Variants in FANCL observed in about 807,000 individuals in gnomAD.
FANCL encodes the protein FA complementation group L, also known as E3 ubiquitin-protein ligase FANCL.
Under a neutral mutation model 59.4 loss-of-function variants are expected in FANCL, and 69 were observed. That is an observed-to-expected ratio of 1.16 (90% CI 0.96 to 1.42). The LOEUF (loss-of-function observed/expected upper bound fraction) is 1.42. FANCL is among the 40% of genes most tolerant of loss of function. FANCL has a pLI of 0.00. For missense variants in FANCL, 519 were observed against 447.2 expected (o/e 1.16, Z -1.45); for synonymous variants, 180 against 147.1 (o/e 1.22, Z -1.62).
intron 7 of FANCL, among the ~76,000 whole-genome samples, chr2:58,167,435 G>A (rs1344766093): frequency 6.6e-6 from 1 of 152,068 alleles, no homozygotes; most frequent in Non-Finnish European, 1.5e-5. Flanking sequence ...GTTTCTACAT[G>A]TGTATTTAAA....
intron 7 of FANCL, among the ~76,000 whole-genome samples, chr2:58,180,127 G>A (rs1687782254): frequency 6.6e-6 from 1 of 152,100 alleles, no homozygotes; most frequent in African/African-American, 2.4e-5. Flanking sequence ...GTTGGTCGAA[G>A]TGTAAATTAG....
intron 7 of FANCL, among the ~76,000 whole-genome samples, chr2:58,179,821 A>G (rs1461738940): frequency 1.3e-5 from 2 of 152,198 alleles, no homozygotes; most frequent in Admixed American, 1.3e-4. Context: ...TATTTCTGCA[A>G]TCTATCCATC....
At chr2:58,191,982 T>C (rs1688969788) in intron 7 of FANCL, among the ~76,000 whole-genome samples, 1 of 151,920 alleles carries the variant, frequency 6.6e-6, no homozygotes, top group Non-Finnish European at 1.5e-5. Flanking sequence ...GAGCCAGAAT[T>C]TGATCCAGAC....
At position 58,193,563 on chromosome 2, in the gene FANCL, T is replaced by C. The variant is rs1689144454; in HGVS notation, c.540+5031A>G. On this transcript the variant is annotated intron_variant, in intron 7 of 13. Coordinates refer to ENST00000233741, the MANE Select transcript of FANCL (RefSeq NM_018062.4). ...ATAAATTTTCTTTGTTTTGATCCCT[T>C]TGATGTCTTTTCAGCCATACCACTG... Among the ~76,000 whole-genome samples the C allele has an allele frequency of 3.9e-5, 6 of 152,104 alleles. 1 individual carries two copies. The highest frequency in any genetic ancestry group is 1.2e-4 in the African/African-American group (5 of 41,438).
chr2:58,179,512 T>C (rs909447456), intron 7 of FANCL, among the ~76,000 whole-genome samples: 3 of 152,148 alleles, frequency 2.0e-5, no homozygotes, highest in African/African-American at 2.4e-5. Flanking sequence ...TAAACGGTGT[T>C]GGGAAAACTG....
At chr2:58,225,125 G>A (rs968745845) in intron 4 of FANCL, among the ~76,000 whole-genome samples, 6 of 151,382 alleles carry the variant, frequency 4.0e-5, no homozygotes, top group Admixed American at 1.3e-4. Context: ...GAAGGGACTT[G>A]TGCTGACCAA....
intron 7 of FANCL, among the ~76,000 whole-genome samples, chr2:58,195,754 T>G (rs1242339034): frequency 6.6e-6 from 1 of 152,140 alleles, no homozygotes; most frequent in African/African-American, 2.4e-5. Flanking sequence ...TATAAACTTA[T>G]AAGAAGGTCA....
At chr2:58,163,396 G>C (rs771817789) in intron 9 of FANCL, 38 bp downstream of exon 9, 1 of 1,289,420 alleles carries the variant, frequency 7.8e-7, no homozygotes, top group African/African-American at 1.5e-5. Flanking sequence ...AGGATTTTAT[G>C]ACTCTATTAA....
chr2:58,164,889 A>G (rs933940105), intron 8 of FANCL, among the ~76,000 whole-genome samples: 3 of 152,080 alleles, frequency 2.0e-5, no homozygotes, highest in African/African-American at 7.2e-5. Flanking sequence ...TTCTCGTAAT[A>G]CCACGTATGT....
At position 58,159,460 on chromosome 2, in the gene FANCL, C is replaced by A. The variant is rs1437860171; in HGVS notation, c.*305G>T. The A allele has an allele frequency of 6.2e-7, 1 of 1,613,632 alleles. No homozygotes were observed. Among genetic ancestry groups the A allele is most frequent in the South Asian group, 1.1e-5 (1 of 91,062 alleles). ...ACAATTCCCAAACTCATTTTATGAGCCTCATCAAGATTTTACCAGTCCAGA... is the reference window on the plus strand; with the variant it reads ...ACAATTCCCAAACTCATTTTATGAGACTCATCAAGATTTTACCAGTCCAGA... On this transcript the variant is annotated 3_prime_UTR_variant, in exon 14 of 14. Transcript: ENST00000233741.
chr2:58,175,000 A>C (rs554298850), intron 7 of FANCL, among the ~76,000 whole-genome samples: 1 of 152,276 alleles, frequency 6.6e-6, no homozygotes, highest in South Asian at 2.1e-4. Context: ...AGAATACTAT[A>C]AACACCTCTA....
intron 5 of FANCL, among the ~76,000 whole-genome samples, chr2:58,220,868 C>A (rs1232532601): frequency 6.6e-6 from 1 of 152,168 alleles, no homozygotes; most frequent in Non-Finnish European, 1.5e-5. Context: ...ATAGGGCAAT[C>A]TAAATGGAAA....
intron 5 of FANCL, among the ~76,000 whole-genome samples, chr2:58,214,827 A>G (rs2105228298): frequency 6.6e-6 from 1 of 152,180 alleles, no homozygotes; most frequent in South Asian, 2.1e-4. Context: ...AGGAATCTTA[A>G]GTCTTGCCTT....
intron 7 of FANCL, among the ~76,000 whole-genome samples, chr2:58,185,146 T>C (rs113998559): frequency 0.011 from 1,631 of 152,006 alleles, 40 homozygotes; most frequent in African/African-American, 0.037. Context: ...CTTCCTATGG[T>C]GAAAAATCAA....
chr2:58,160,513 C>G (rs560452986), intron 12 of FANCL, among the ~76,000 whole-genome samples: 1 of 151,978 alleles, frequency 6.6e-6, no homozygotes, highest in South Asian at 2.1e-4. Flanking sequence ...TCCTGGCATT[C>G]ATAGACTTTC....
intron 8 of FANCL, among the ~76,000 whole-genome samples, chr2:58,164,268 CTT>C (rs1269284409): frequency 6.6e-6 from 1 of 151,962 alleles, no homozygotes; most frequent in Admixed American, 6.6e-5. Flanking sequence ...GTAAAAATGT[CTT>C]GATAAATTCC....
At chr2:58,195,610 T>C (rs977832099) in intron 7 of FANCL, among the ~76,000 whole-genome samples, 1 of 151,948 alleles carries the variant, frequency 6.6e-6, no homozygotes, top group African/African-American at 2.4e-5. Flanking sequence ...ACAAAATATA[T>C]ACAAAGTTAA....
At chr2:58,237,115 A>C (rs1694094185) in intron 1 of FANCL, among the ~76,000 whole-genome samples, 1 of 152,122 alleles carries the variant, frequency 6.6e-6, no homozygotes, top group African/African-American at 2.4e-5. Flanking sequence ...ACTCTGAACC[A>C]ATTTGACCTA....
chr2:58,196,697 C>T (rs1689457293), intron 7 of FANCL, among the ~76,000 whole-genome samples: 1 of 151,962 alleles, frequency 6.6e-6, no homozygotes, highest in East Asian at 1.9e-4. Flanking sequence ...ACTAAACAAT[C>T]TTTTCATGGC....
Sources: gnomAD v4.1 joint callset for allele counts (sites outside exome capture counted in the v4.1 genomes callset) on GRCh38, gnomAD v4.1.1 for gene constraint, MANE v1.5 for transcripts, NCBI Gene and HGNC (gene_info 2026-07-23, HGNC 2026-07-21) for gene names.